TRAF3: variants seen among roughly 807,000 people sequenced by gnomAD.
The protein encoded by TRAF3 is TNF receptor associated factor 3.
In TRAF3, 13 loss-of-function variants were observed where a neutral mutation model predicts 62.3. The observed-to-expected ratio is 0.21, with a 90% CI of 0.14 to 0.33. The LOEUF (loss-of-function observed/expected upper bound fraction) is 0.33. TRAF3 is among the 10% of genes least tolerant of loss of function. The probability of loss-of-function intolerance (pLI) is 1.00; values close to 1 mark genes in which losing one functional copy is unlikely to be tolerated. For synonymous variants in TRAF3, 269 were observed against 283.4 expected, an observed-to-expected ratio of 0.95 and a Z score of 0.51; for missense variants, 440 against 741.8, an observed-to-expected ratio of 0.59 and a Z score of 4.73.
At position 102,886,790 on chromosome 14, in the gene TRAF3, A is replaced by G. The variant is rs1045184740; in HGVS notation, c.651+521A>G. The stretch of plus-strand genomic sequence containing the variant: ...AACAAAACAAAACTACACTGTGGTA[A>G]ATTCAGAGCAAAGATTGTGAAGCAT... On this transcript the variant is annotated intron_variant, in intron 7 of 11. Transcript: ENST00000392745. 2.0e-5 allele frequency among the ~76,000 whole-genome samples: 3 copies of G among 152,194 alleles called. No individual in the cohort carries two copies. In the East Asian group the frequency reaches 5.8e-4, roughly 29 times the overall value.
At chr14:102,786,360 AT>A (rs759679767) in intron 1 of TRAF3, among the ~76,000 whole-genome samples, 1 of 152,194 alleles carries the variant, frequency 6.6e-6, no homozygotes, top group Non-Finnish European at 1.5e-5. Flanking sequence ...TTTATGTGTA[AT>A]TTACCATAAT....
At chr14:102,875,946 C>G (rs913999015) in intron 5 of TRAF3, among the ~76,000 whole-genome samples, 1 of 151,868 alleles carries the variant, frequency 6.6e-6, no homozygotes, top group Non-Finnish European at 1.5e-5. Context: ...TTAAACACTC[C>G]CCCCCCTACT....
intron 1 of TRAF3, among the ~76,000 whole-genome samples, chr14:102,793,665 C>T (rs532294237): frequency 5.9e-5 from 9 of 152,314 alleles, no homozygotes; most frequent in Non-Finnish European, 1.2e-4. Flanking sequence ...CACTTAATGG[C>T]TTACAGCTGG....
At chr14:102,811,481 G>T (rs1488708680) in intron 1 of TRAF3, among the ~76,000 whole-genome samples, 1 of 149,634 alleles carries the variant, frequency 6.7e-6, no homozygotes, top group Non-Finnish European at 1.5e-5. Flanking sequence ...GTGCCGCCAT[G>T]CCTGGCTCTT....
intron 4 of TRAF3, among the ~76,000 whole-genome samples, chr14:102,872,515 C>T (rs1888397575): frequency 6.6e-6 from 1 of 152,198 alleles, no homozygotes; most frequent in South Asian, 2.1e-4. Flanking sequence ...TCAGCTAGAG[C>T]CCGTGGGCGT....
chr14:102,856,961 G>T (rs1461676629), intron 2 of TRAF3, among the ~76,000 whole-genome samples: 2 of 152,184 alleles, frequency 1.3e-5, no homozygotes, highest in Non-Finnish European at 2.9e-5. Flanking sequence ...TTCAGTTTAA[G>T]AAAACATTCA....
At chr14:102,807,959 T>C (rs760406767) in intron 1 of TRAF3, among the ~76,000 whole-genome samples, 1 of 152,186 alleles carries the variant, frequency 6.6e-6, no homozygotes, top group Non-Finnish European at 1.5e-5. Flanking sequence ...GGAAGGAAGT[T>C]GAGGCAGCAT....
chr14:102,873,585 T>A (rs1363500851), intron 4 of TRAF3, among the ~76,000 whole-genome samples: 2 of 152,216 alleles, frequency 1.3e-5, no homozygotes, highest in Non-Finnish European at 2.9e-5. Flanking sequence ...TGGACCCTCA[T>A]GGAGAGAATG....
chr14:102,864,826 C>G (rs1417297003), intron 2 of TRAF3, among the ~76,000 whole-genome samples: 5 of 152,132 alleles, frequency 3.3e-5, no homozygotes. Flanking sequence ...GAACCTGGGG[C>G]AGATTCGCCT....
chr14:102,795,432 C>G (rs995352959), intron 1 of TRAF3, among the ~76,000 whole-genome samples: 3 of 152,190 alleles, frequency 2.0e-5, no homozygotes, highest in Admixed American at 2.0e-4. Flanking sequence ...TGGAAAGCCA[C>G]CTAATCCTGT....
intron 2 of TRAF3, among the ~76,000 whole-genome samples, chr14:102,841,145 A>G (rs564387483): frequency 3.3e-5 from 5 of 152,336 alleles, no homozygotes; most frequent in East Asian, 3.9e-4. Flanking sequence ...AGAGAAGTCA[A>G]ACAGAACCCA....
chr14:102,876,283 A>G (rs187305252), intron 5 of TRAF3, 75 bp from the exon 6 acceptor site: 1,482 of 1,528,254 alleles, frequency 9.7e-4, no homozygotes, highest in Non-Finnish European at 1.3e-3. Flanking sequence ...GTTTCATTGC[A>G]TAGAGATTAG....
At chr14:102,869,762 C>T (rs1225026771) in intron 2 of TRAF3, among the ~76,000 whole-genome samples, 2 of 150,404 alleles carry the variant, frequency 1.3e-5, no homozygotes, top group South Asian at 2.1e-4. Context: ...GCCAAGATGG[C>T]GCCACTGCAC....
intron 1 of TRAF3, among the ~76,000 whole-genome samples, chr14:102,824,364 T>C (rs1900166249): frequency 6.6e-6 from 1 of 152,238 alleles, no homozygotes; most frequent in Non-Finnish European, 1.5e-5. Flanking sequence ...TTATCCTGTA[T>C]AGATTTTTGG....
chr14:102,834,186 A>C (rs1885827066), intron 2 of TRAF3, among the ~76,000 whole-genome samples: 1 of 152,184 alleles, frequency 6.6e-6, no homozygotes, highest in African/African-American at 2.4e-5. Context: ...GCATTCTGTT[A>C]CGCAACTTCA....
chr14:102,877,594 G>A (rs1479732270), intron 6 of TRAF3, among the ~76,000 whole-genome samples: 12 of 120,682 alleles, frequency 9.9e-5, no homozygotes, highest in South Asian at 5.7e-4. Context: ...CAGGCCTTCC[G>A]CTCAGCTCAT....
At chr14:102,851,676 G>A (rs1887048031) in intron 2 of TRAF3, among the ~76,000 whole-genome samples, 1 of 152,108 alleles carries the variant, frequency 6.6e-6, no homozygotes. Context: ...CCCTGGAGGC[G>A]GAGCTTGCAG....
intron 1 of TRAF3, among the ~76,000 whole-genome samples, chr14:102,789,834 T>C (rs527671805): frequency 1.8e-4 from 27 of 152,196 alleles, no homozygotes; most frequent in Admixed American, 8.5e-4. Flanking sequence ...TTCTTCTTTT[T>C]TTTGAGACCG....
intron 5 of TRAF3, 29 bp from the exon 6 acceptor site, chr14:102,876,329 T>C (rs372681939): frequency 1.4e-5 from 23 of 1,612,982 alleles, no homozygotes; most frequent in African/African-American, 1.2e-4. Flanking sequence ...TTTTTCCCAA[T>C]TAAGAACATT....
Sources: gnomAD v4.1 joint callset for allele counts (sites outside exome capture counted in the v4.1 genomes callset) on GRCh38, gnomAD v4.1.1 for gene constraint, MANE v1.5 for transcripts, NCBI Gene and HGNC (gene_info 2026-07-23, HGNC 2026-07-21) for gene names.